MEGF11: variants seen among roughly 807,000 people sequenced by gnomAD.
The protein encoded by MEGF11 is multiple EGF like domains 11.
A neutral mutation model predicts 146.6 loss-of-function variants in MEGF11; 126 were observed. The ratio of observed to expected loss-of-function variants is 0.86; its 90% CI spans 0.74 to 1.00. The LOEUF is 1.00. Among genes scored for constraint, MEGF11 ranks in the 50% least tolerant of loss-of-function variants. The pLI is 0.00. For synonymous variants in MEGF11, 532 were observed against 583.4 expected (o/e 0.91, Z 1.27); for missense variants, 1,509 against 1,521.2 (o/e 0.99, Z 0.13).
At chr15:65,951,573 G>A (rs956913048) in intron 10 of MEGF11, among the ~76,000 whole-genome samples, 18 of 152,126 alleles carry the variant, frequency 1.2e-4, no homozygotes, top group African/African-American at 4.1e-4. Context: ...TGTAATCCCA[G>A]CTACTCAGGA....
intron 1 of MEGF11, among the ~76,000 whole-genome samples, chr15:66,179,927 C>T (rs1265108607): frequency 6.6e-6 from 1 of 151,644 alleles, no homozygotes. Context: ...GGCCTGTCCT[C>T]ACCATCAGAA....
Position 66,212,204 on chromosome 15 carries a change from A to G in MEGF11, c.-9+41401T>C, listed in dbSNP as rs184093600. Among the ~76,000 whole-genome samples, 89 of 152,194 alleles carry G rather than the reference A, an allele frequency of 5.8e-4. No individual in the cohort carries two copies. In the East Asian group the frequency reaches 0.015, roughly 25 times the overall value. On this transcript the variant is annotated intron_variant, in intron 1 of 25. Transcript: ENST00000395614. The stretch of plus-strand genomic sequence containing the variant: ...GCAGAGGGCAGGGCAAGGAAGGGCA[A>G]CAAGGGACGGGTGTCAGGGAGCAAG...
At chr15:66,065,995 A>T (rs995512300) in intron 5 of MEGF11, among the ~76,000 whole-genome samples, 2 of 152,182 alleles carry the variant, frequency 1.3e-5, no homozygotes, top group Non-Finnish European at 2.9e-5. Flanking sequence ...CCAAGTTAAC[A>T]GGATTTGAGA....
At chr15:66,217,149 A>G (rs1391212163) in intron 1 of MEGF11, among the ~76,000 whole-genome samples, 1 of 152,124 alleles carries the variant, frequency 6.6e-6, no homozygotes. Flanking sequence ...TTCTCAGGAA[A>G]CCCCACCTAA....
Position 65,982,187 on chromosome 15 carries a change from C to T in MEGF11, c.641+55G>A. ...CCTCTACCCTCCCCACCCAGGCACCCTCCAGGTCCCGCCCCTCCAGGTCCC... is the reference window on the plus strand; with the variant it reads ...CCTCTACCCTCCCCACCCAGGCACCTTCCAGGTCCCGCCCCTCCAGGTCCC... On this transcript the variant is annotated intron_variant, in intron 6 of 25. Coordinates refer to ENST00000395614, the MANE Select transcript of MEGF11 (RefSeq NM_001385028.1). The surrounding 1 kb of genome is among the most constrained non-coding windows in gnomAD (Gnocchi z 5.6). 6.6e-7 allele frequency: 1 copy of T among 1,506,882 alleles called. No homozygotes were observed. The highest frequency in any genetic ancestry group is 1.2e-5 in the South Asian group (1 of 81,142). 93.3% of individuals were successfully genotyped at this position (1,506,882 alleles called of 1,614,324 possible). A position where few individuals can be genotyped will look rare whatever the true frequency, so the allele number is the denominator to read the frequency against.
intron 1 of MEGF11, among the ~76,000 whole-genome samples, chr15:66,176,997 C>T (rs148173005): frequency 1.1e-3 from 164 of 152,292 alleles, no homozygotes; most frequent in Non-Finnish European, 2.1e-3. Flanking sequence ...TTTGATCTAA[C>T]CCCTGGTAAC....
At chr15:66,150,894 C>G (rs973429794) in intron 1 of MEGF11, among the ~76,000 whole-genome samples, 1 of 143,598 alleles carries the variant, frequency 7.0e-6, no homozygotes. Flanking sequence ...AAGGCCACAC[C>G]CCTTGTCAGT....
At chr15:66,233,003 C>T (rs2092000544) in intron 1 of MEGF11, among the ~76,000 whole-genome samples, 1 of 152,160 alleles carries the variant, frequency 6.6e-6, no homozygotes, top group South Asian at 2.1e-4. Flanking sequence ...ACAATAACAA[C>T]ACCACCTCAG....
At chr15:65,937,054 G>C (rs1263810998) in intron 10 of MEGF11, among the ~76,000 whole-genome samples, 1 of 152,202 alleles carries the variant, frequency 6.6e-6, no homozygotes, top group Non-Finnish European at 1.5e-5. Flanking sequence ...TGGGAGACAA[G>C]ACCTTCTGAG....
At chr15:66,121,991 G>A (rs947177454) in intron 3 of MEGF11, among the ~76,000 whole-genome samples, 3 of 152,124 alleles carry the variant, frequency 2.0e-5, no homozygotes, top group African/African-American at 4.8e-5. Flanking sequence ...CTGGCCAGGC[G>A]TGGTGGCTCA....
rs1350282723 is a variant in MEGF11 at position 65,896,888 on chromosome 15, A to G, written c.*1046T>C. On this transcript the variant is annotated 3_prime_UTR_variant, in exon 26 of 26. Transcript: ENST00000395614. The stretch of plus-strand genomic sequence containing the variant: ...TCATTTAGTTCCATTAAAAAGCATA[A>G]TGTACTTTAAGCAGTGTAAACTTGC... 1 of 152,230 alleles carries G rather than the reference A, an allele frequency of 6.6e-6. No individual in the cohort carries two copies. The highest frequency in any genetic ancestry group is 2.4e-5 in the African/African-American group (1 of 41,450). 9.4% of individuals were successfully genotyped at this position (152,230 alleles called of 1,614,324 possible). A position where few individuals can be genotyped will look rare whatever the true frequency, so the allele number is the denominator to read the frequency against.
Position 66,190,717 on chromosome 15 carries a change from C to T in MEGF11, c.-8-62306G>A, listed in dbSNP as rs561107304. 1.2e-4 allele frequency among the ~76,000 whole-genome samples: 19 copies of T among 152,234 alleles called. No homozygotes were observed. In the East Asian group the frequency reaches 1.4e-3, roughly 11 times the overall value. Reference sequence around the variant, plus strand: ...CTCGGGACACACATGCCCTCCCTGGCGCCTCCATTCACCCCCCACAGCACA... The same window carrying T: ...CTCGGGACACACATGCCCTCCCTGGTGCCTCCATTCACCCCCCACAGCACA... On this transcript the variant is annotated intron_variant, in intron 1 of 25. Transcript: ENST00000395614.
intron 15 of MEGF11, among the ~76,000 whole-genome samples, chr15:65,918,307 C>T (rs538383464): frequency 1.3e-5 from 2 of 152,360 alleles, no homozygotes; most frequent in South Asian, 4.1e-4. Flanking sequence ...CTGCATTCTT[C>T]AGAAGGCTCT....
intron 1 of MEGF11, among the ~76,000 whole-genome samples, chr15:66,146,544 C>T (rs1169663076): frequency 2.0e-5 from 3 of 152,380 alleles, no homozygotes; most frequent in South Asian, 2.1e-4. Context: ...CATGCCTTCC[C>T]GTGGCTCTGC....
At chr15:66,106,672 A>G (rs2087095549) in intron 4 of MEGF11, among the ~76,000 whole-genome samples, 1 of 152,130 alleles carries the variant, frequency 6.6e-6, no homozygotes. Context: ...CTGGTATAAC[A>G]CGCCTGCACA....
chr15:65,931,351 G>A (rs1382485564), intron 10 of MEGF11, among the ~76,000 whole-genome samples: 3 of 152,098 alleles, frequency 2.0e-5, no homozygotes, highest in African/African-American at 7.2e-5. Flanking sequence ...GAAAATGAGG[G>A]CCTCAGTCCT....
intron 1 of MEGF11, among the ~76,000 whole-genome samples, chr15:66,183,456 C>T (rs564796719): frequency 2.8e-4 from 43 of 151,384 alleles, no homozygotes; most frequent in Non-Finnish European, 5.2e-4. Context: ...GCCGAGATTG[C>T]GCCACTGCAC....
At chr15:66,100,927 GGTGAGCAAGCGT>G (rs1449629586) in intron 4 of MEGF11, among the ~76,000 whole-genome samples, 23 of 150,438 alleles carry the variant, frequency 1.5e-4, no homozygotes, top group Non-Finnish European at 1.5e-5. Context: ...TGGGTAGGTA[GGTGAGCAAGCGT>G]GTGAGCCAGT....
At chr15:66,145,059 C>G (rs1352977114) in intron 1 of MEGF11, among the ~76,000 whole-genome samples, 1 of 152,180 alleles carries the variant, frequency 6.6e-6, no homozygotes, top group Non-Finnish European at 1.5e-5. Flanking sequence ...AATACCTGCC[C>G]AAGTCCTTCT....
Sources: allele counts gnomAD v4.1 joint callset (sites outside exome capture counted in the v4.1 genomes callset), GRCh38; gene constraint gnomAD v4.1.1; non-coding constraint Gnocchi (gnomAD v3.1); transcripts MANE v1.5; gene names NCBI Gene and HGNC (gene_info 2026-07-23, HGNC 2026-07-21).